The following RPS6KC1 variants were observed in gnomAD, a reference collection of about 807,000 sequenced individuals.
RPS6KC1 encodes inactive ribosomal protein S6 kinase delta-1.
Under a neutral mutation model 103.8 loss-of-function variants are expected in RPS6KC1, and 54 were observed. That is an observed-to-expected ratio of 0.52 (90% CI 0.42 to 0.65). RPS6KC1 has a LOEUF of 0.65. Among genes scored for constraint, RPS6KC1 ranks in the 30% least tolerant of loss-of-function variants. RPS6KC1 has a pLI of 0.00. For synonymous variants in RPS6KC1, 439 were observed against 438.7 expected, an observed-to-expected ratio of 1.00 and a Z score of -0.01; for missense variants, 1,151 against 1,253.8, an observed-to-expected ratio of 0.92 and a Z score of 1.24.
At chr1:213,145,459 G>C (rs183521002) in intron 6 of RPS6KC1, among the ~76,000 whole-genome samples, 237 of 152,232 alleles carry the variant, frequency 1.6e-3, no homozygotes, top group African/African-American at 5.6e-3. Context: ...GAGATTGGTA[G>C]TGTCTCCTGG....
the RPS6KC1 span, among the ~76,000 whole-genome samples, chr1:213,440,269 A>C: frequency 6.6e-6 from 1 of 152,180 alleles, no homozygotes; most frequent in Admixed American, 6.5e-5. Flanking sequence ...AGCATCCTAT[A>C]TGTCAGGCTC....
At chr1:213,437,561 A>G in the RPS6KC1 span, among the ~76,000 whole-genome samples, 1 of 152,012 alleles carries the variant, frequency 6.6e-6, no homozygotes, top group Non-Finnish European at 1.5e-5. Flanking sequence ...TTCTTTCTTA[A>G]ATATTTAGAA....
At chr1:213,162,311 C>A (rs2090553312) in intron 6 of RPS6KC1, among the ~76,000 whole-genome samples, 1 of 152,158 alleles carries the variant, frequency 6.6e-6, no homozygotes, top group South Asian at 2.1e-4. Context: ...GCCAGTATCT[C>A]TCTCTGTTGC....
At chr1:213,114,992 A>G (rs1412611134) in intron 4 of RPS6KC1, among the ~76,000 whole-genome samples, 9 of 152,156 alleles carry the variant, frequency 5.9e-5, no homozygotes, top group African/African-American at 2.2e-4. Context: ...AATGTTCATC[A>G]AGGATATTGG....
At chr1:213,535,049 A>T in the RPS6KC1 span, among the ~76,000 whole-genome samples, 1 of 152,232 alleles carries the variant, frequency 6.6e-6, no homozygotes. Flanking sequence ...GTGGCTTGGC[A>T]TCAGGGGGAT....
the RPS6KC1 span, among the ~76,000 whole-genome samples, chr1:213,552,954 A>G: frequency 6.6e-6 from 1 of 151,966 alleles, no homozygotes; most frequent in Admixed American, 6.6e-5. Flanking sequence ...ATGGTACCCC[A>G]TAATGGTTTA....
At chr1:213,696,393 T>C in the RPS6KC1 span, among the ~76,000 whole-genome samples, 1 of 150,824 alleles carries the variant, frequency 6.6e-6, no homozygotes, top group African/African-American at 2.5e-5. Context: ...TCCCAGCTAC[T>C]TGGGAGGCTG....
intron 12 of RPS6KC1, among the ~76,000 whole-genome samples, chr1:213,244,051 G>C (rs2094411192): frequency 6.6e-6 from 1 of 151,744 alleles, no homozygotes; most frequent in Admixed American, 6.6e-5. Context: ...AATTAAGACT[G>C]TTTGGTTTTT....
the RPS6KC1 span, among the ~76,000 whole-genome samples, chr1:213,691,971 C>T: frequency 6.6e-6 from 1 of 152,196 alleles, no homozygotes; most frequent in Non-Finnish European, 1.5e-5. Flanking sequence ...GAGGCCCTAG[C>T]GCTAGCGGTG....
chr1:213,563,782 C>A, the RPS6KC1 span, among the ~76,000 whole-genome samples: 1 of 151,728 alleles, frequency 6.6e-6, no homozygotes, highest in Non-Finnish European at 1.5e-5. Context: ...CATTTTAATT[C>A]TGATCATTTC....
the RPS6KC1 span, among the ~76,000 whole-genome samples, chr1:213,761,521 A>G: frequency 2.0e-5 from 3 of 152,364 alleles, no homozygotes; most frequent in Non-Finnish European, 4.4e-5. Context: ...CTTCCATCAT[A>G]ATTGTCCTGT....
intron 3 of RPS6KC1, among the ~76,000 whole-genome samples, chr1:213,081,052 GC>G (rs1305923936): frequency 6.6e-6 from 1 of 152,164 alleles, no homozygotes; most frequent in Non-Finnish European, 1.5e-5. Context: ...ATTTTAGTTT[GC>G]TAAATATTTG....
chr1:213,745,714 C>T, the RPS6KC1 span, among the ~76,000 whole-genome samples: 41 of 152,284 alleles, frequency 2.7e-4, no homozygotes, highest in African/African-American at 9.1e-4. Context: ...GATCCCAACA[C>T]GCTCTTGCAA....
chr1:213,425,700 C>T, the RPS6KC1 span, among the ~76,000 whole-genome samples: 1 of 152,198 alleles, frequency 6.6e-6, no homozygotes, highest in Non-Finnish European at 1.5e-5. Flanking sequence ...GGTCTCTAAC[C>T]ATTTCGGTGC....
chr1:213,218,359 T>G (rs568471875), intron 8 of RPS6KC1, among the ~76,000 whole-genome samples: 5,314 of 151,868 alleles, frequency 0.035, 270 homozygotes, highest in African/African-American at 0.12. Flanking sequence ...CACTGCTCAA[T>G]GAAATAAAAG....
chr1:213,275,814 C>G (rs1459451781), downstream of RPS6KC1, among the ~76,000 whole-genome samples: 1 of 152,166 alleles, frequency 6.6e-6, no homozygotes, highest in Non-Finnish European at 1.5e-5. Context: ...TTGCCAGAAC[C>G]TATTCTTCCT....
the RPS6KC1 span, among the ~76,000 whole-genome samples, chr1:213,394,234 A>G: frequency 3.9e-5 from 6 of 152,146 alleles, no homozygotes; most frequent in African/African-American, 1.4e-4. Flanking sequence ...CTCCCTGTGA[A>G]CTAGCATCTT....
the RPS6KC1 span, among the ~76,000 whole-genome samples, chr1:213,562,701 T>C: frequency 6.6e-6 from 1 of 152,072 alleles, no homozygotes; most frequent in African/African-American, 2.4e-5. Context: ...TCTCACTCTG[T>C]CACCCTGGCT....
At chr1:213,398,505 G>A in the RPS6KC1 span, among the ~76,000 whole-genome samples, 2 of 152,066 alleles carry the variant, frequency 1.3e-5, no homozygotes, top group Non-Finnish European at 2.9e-5. Flanking sequence ...TCATTCACGG[G>A]AATGGGTTTT....
Sources: gnomAD v4.1 joint callset for allele counts (sites outside exome capture counted in the v4.1 genomes callset) on GRCh38, gnomAD v4.1.1 for gene constraint, MANE v1.5 for transcripts, NCBI Gene and HGNC (gene_info 2026-07-23, HGNC 2026-07-21) for gene names.